Variants in ARID4A observed in about 807,000 individuals in gnomAD.
ARID4A encodes AT-rich interaction domain 4A.
ARID4A carries 39 observed loss-of-function variants against 148.6 expected under a neutral mutation model. The ratio of observed to expected loss-of-function variants is 0.26; its 90% CI spans 0.20 to 0.34. The LOEUF (loss-of-function observed/expected upper bound fraction) is 0.34. ARID4A is among the 10% of genes least tolerant of loss of function. The probability of loss-of-function intolerance (pLI) is 1.00; values close to 1 mark genes in which losing one functional copy is unlikely to be tolerated. For synonymous variants in ARID4A, 475 were observed against 481.2 expected, an observed-to-expected ratio of 0.99 and a Z score of 0.17; for missense variants, 1,265 against 1,449.1, an observed-to-expected ratio of 0.87 and a Z score of 2.06.
chr14:58,322,921 C>T (rs2032983474), intron 7 of ARID4A, among the ~76,000 whole-genome samples: 1 of 134,230 alleles, frequency 7.4e-6, no homozygotes, highest in South Asian at 2.3e-4. Flanking sequence ...TGAGATAGCA[C>T]CACTGAACTC....
At chr14:58,354,674 C>A (rs1042314438) in intron 17 of ARID4A, among the ~76,000 whole-genome samples, 1 of 148,946 alleles carries the variant, frequency 6.7e-6, no homozygotes, top group East Asian at 2.0e-4. Context: ...TAGAGCGAAA[C>A]CCTGTCTCAT....
chr14:58,361,117 G>A, intron 19 of ARID4A, 75 bp downstream of exon 19: 2 of 1,490,892 alleles, frequency 1.3e-6, no homozygotes, highest in Non-Finnish European at 1.8e-6. Context: ...TCAATTTTGA[G>A]GATGGCTGAC....
At chr14:58,362,733 T>C (rs1190065526) in intron 19 of ARID4A, among the ~76,000 whole-genome samples, 1 of 152,032 alleles carries the variant, frequency 6.6e-6, no homozygotes, top group African/African-American at 2.4e-5. Context: ...AATTTTTGTA[T>C]TTTTAGCAGC....
chr14:58,320,885 G>T (rs2032842891), intron 7 of ARID4A, among the ~76,000 whole-genome samples: 1 of 152,130 alleles, frequency 6.6e-6, no homozygotes, highest in South Asian at 2.1e-4. Context: ...GGGATTACAG[G>T]CATGAGCCAC....
intron 16 of ARID4A, chr14:58,351,587 C>T: frequency 3.2e-6 from 1 of 307,972 alleles, no homozygotes; most frequent in Non-Finnish European, 6.0e-6. Flanking sequence ...AAGAAAGGTC[C>T]TGCAGTTGAC....
chr14:58,326,467 G>A (rs1445509000), intron 8 of ARID4A, among the ~76,000 whole-genome samples: 2 of 152,152 alleles, frequency 1.3e-5, no homozygotes, highest in Admixed American at 6.5e-5. Flanking sequence ...GTTTGTTCAT[G>A]GAACTGTTTG....
At chr14:58,347,917 A>G in intron 15 of ARID4A, 39 bp downstream of exon 15, 1 of 1,432,044 alleles carries the variant, frequency 7.0e-7, no homozygotes, top group Non-Finnish European at 9.4e-7. Flanking sequence ...TTTAAGTATT[A>G]TTTAAAATTT....
rs780664715 is a variant in ARID4A at position 58,365,120 on chromosome 14, C to G, written c.3031C>G (p.Leu1011Val). The change falls in exon 20 of 24, where the codon CTT becomes GTT. Residue 1011 changes from leucine (L) to valine (V), a missense_variant. This residue lies in a region of ARID4A where 666 missense variants were observed against 730.9 expected (regional missense o/e 0.91). Transcript: ENST00000355431. ...CTTTTCAGTAGCTTCACCACTTACT[C>G]TTAGTCAAGATGAGTCTCGAAGCGT... ...HNFSVASPLT[L>V]SQDESRSVKS... 9.9e-6 allele frequency: 16 copies of G among 1,614,134 alleles called. No homozygotes were observed. The East Asian group carries it at 2.2e-4, about 22-fold the overall frequency.
At chr14:58,365,697 A>G (rs1238356609) in intron 21 of ARID4A, 75 bp downstream of exon 21, 1 of 1,244,020 alleles carries the variant, frequency 8.0e-7, no homozygotes, top group Non-Finnish European at 1.2e-6. Flanking sequence ...TTAAACATAA[A>G]TGGAGCAATA....
intron 11 of ARID4A, among the ~76,000 whole-genome samples, chr14:58,343,814 G>A (rs2034227360): frequency 6.6e-6 from 1 of 150,576 alleles, no homozygotes; most frequent in Non-Finnish European, 1.5e-5. Flanking sequence ...TAGGCAGCAA[G>A]AGCAAAACTC....
At chr14:58,327,821 A>G (rs1279011001) in intron 8 of ARID4A, among the ~76,000 whole-genome samples, 1 of 151,974 alleles carries the variant, frequency 6.6e-6, no homozygotes, top group Non-Finnish European at 1.5e-5. Context: ...ATAGGCACAC[A>G]CCACCACACC....
At chr14:58,341,027 C>G (rs911601891) in intron 11 of ARID4A, among the ~76,000 whole-genome samples, 2 of 152,050 alleles carry the variant, frequency 1.3e-5, no homozygotes, top group Non-Finnish European at 2.9e-5. Context: ...TTCCCTCTCC[C>G]CTTCTCTCTC....
chr14:58,316,142 AT>A (rs1327789555), intron 5 of ARID4A, among the ~76,000 whole-genome samples: 2 of 152,244 alleles, frequency 1.3e-5, no homozygotes, highest in Non-Finnish European at 2.9e-5. Context: ...CAGGATTATA[AT>A]TTCATAGGTA....
At chr14:58,328,366 G>A (rs752820873) in intron 9 of ARID4A, 50 bp downstream of exon 9, 4 of 1,211,738 alleles carry the variant, frequency 3.3e-6, no homozygotes. Context: ...AAAAAAAATA[G>A]AATTACAATG....
intron 11 of ARID4A, among the ~76,000 whole-genome samples, chr14:58,335,736 C>T (rs2033780914): frequency 1.3e-5 from 2 of 152,174 alleles, no homozygotes; most frequent in Admixed American, 1.3e-4. Context: ...AAGCAACATC[C>T]ACCCAGCTGT....
rs922548420 is a variant in ARID4A, at chr14:58,350,935, A to G, written c.1405-138A>G. ...TCTTTTACTTTCAAAAGGAAGAGAA[A>G]GGTACCTTTGAGTTGGTTTTCAGGG... On this transcript the variant is annotated intron_variant, in intron 15 of 23. Transcript: ENST00000355431. 4.4e-6 allele frequency: 3 copies of G among 683,672 alleles called. No homozygotes were observed. In the Admixed American group the frequency reaches 1.1e-4, roughly 25 times the overall value. 42.4% of individuals were successfully genotyped at this position (683,672 alleles called of 1,614,324 possible).
chr14:58,304,869 T>C, intron 3 of ARID4A, 75 bp from the exon 4 acceptor site: 1 of 1,215,842 alleles, frequency 8.2e-7, no homozygotes, highest in South Asian at 1.3e-5. Context: ...ATTAAAGACA[T>C]TATTGTTATA....
intron 8 of ARID4A, among the ~76,000 whole-genome samples, chr14:58,326,178 C>G (rs2033198427): frequency 6.6e-6 from 1 of 152,150 alleles, no homozygotes; most frequent in Non-Finnish European, 1.5e-5. Flanking sequence ...AATAGCATGC[C>G]TGTAATCCCA....
At chr14:58,300,367 A>ATACT (rs1555356033) in intron 2 of ARID4A, among the ~76,000 whole-genome samples, 45 of 151,404 alleles carry the variant, frequency 3.0e-4, no homozygotes, top group African/African-American at 1.0e-3. Context: ...ATTTTAAAAC[A>ATACT]TATACTAAAA....
Sources: allele counts gnomAD v4.1 joint callset (sites outside exome capture counted in the v4.1 genomes callset), GRCh38; gene constraint gnomAD v4.1.1; regional missense constraint gnomAD v4.1.1; transcripts MANE v1.5; gene names NCBI Gene and HGNC (gene_info 2026-07-23, HGNC 2026-07-21).